The following MICAL3 variants were observed in gnomAD, a reference collection of about 807,000 sequenced individuals.
MICAL3 encodes [F-actin]-monooxygenase MICAL3.
Under a neutral mutation model 207.4 loss-of-function variants are expected in MICAL3, and 62 were observed. That is an observed-to-expected ratio of 0.30 (90% CI 0.24 to 0.37). The LOEUF is 0.37. Among genes scored for constraint, MICAL3 ranks in the 10% least tolerant of loss-of-function variants. The pLI is 1.00. For missense variants in MICAL3, 2,368 were observed against 2,635.6 expected (o/e 0.90, Z 2.22); for synonymous variants, 1,077 against 1,069.3 (o/e 1.01, Z -0.14).
chr22:17,808,991 G>C, intron 28 of MICAL3, 54 bp from the exon 29 acceptor site: 1 of 1,422,354 alleles, frequency 7.0e-7, no homozygotes. Flanking sequence ...GCTTCAGGAG[G>C]ACACACAACT....
chr22:17,899,887 C>G (rs1931178636), intron 6 of MICAL3, among the ~76,000 whole-genome samples: 1 of 151,980 alleles, frequency 6.6e-6, no homozygotes, highest in African/African-American at 2.4e-5. Context: ...CCTCTTGGGA[C>G]AGTCATCAAG....
At chr22:17,860,796 G>T (rs762144167) in intron 19 of MICAL3, 42 of 985,260 alleles carry the variant, frequency 4.3e-5, no homozygotes, top group Non-Finnish European at 5.1e-5. Flanking sequence ...CTCCTTACAG[G>T]CGTGCTGCCC....
chr22:17,826,923 T>A (rs932650463), intron 22 of MICAL3, among the ~76,000 whole-genome samples: 2 of 152,160 alleles, frequency 1.3e-5, no homozygotes, highest in African/African-American at 2.4e-5. Flanking sequence ...TTTTGTATGC[T>A]CAGAGCCTGG....
chr22:17,901,086 C>T, intron 5 of MICAL3, 89 bp from the exon 6 acceptor site: 1 of 1,241,216 alleles, frequency 8.1e-7, no homozygotes, highest in Non-Finnish European at 1.2e-6. Flanking sequence ...ATAAAGACAA[C>T]AGGGAAAGTC....
chr22:17,831,064 T>C (rs1005312698), intron 21 of MICAL3, among the ~76,000 whole-genome samples: 5 of 152,266 alleles, frequency 3.3e-5, no homozygotes, highest in African/African-American at 1.2e-4. Context: ...ACTCAACCGA[T>C]CCTCTGACCG....
At chr22:17,808,385 C>T (rs918117845) in intron 29 of MICAL3, among the ~76,000 whole-genome samples, 3 of 152,224 alleles carry the variant, frequency 2.0e-5, no homozygotes, top group Non-Finnish European at 2.9e-5. Flanking sequence ...ACATGCTCCC[C>T]GACCAGCGGT....
intron 22 of MICAL3, 47 bp downstream of exon 22, chr22:17,827,596 GC>G (rs1922339039): frequency 1.3e-6 from 2 of 1,509,016 alleles, no homozygotes. Context: ...GAGGCAGCAG[GC>G]GGGTGGTGCT....
At chr22:17,860,816 T>TGG in intron 19 of MICAL3, 8 of 985,478 alleles carry the variant, frequency 8.1e-6, no homozygotes, top group Non-Finnish European at 9.6e-6. Context: ...CGTACGCTGC[T>TGG]GTGCATCCCC....
chr22:17,796,166 C>A lies in MICAL3; in HGVS notation c.5651-4865G>T, dbSNP rs2061874676. ...AGTGAGCGGGTCCTGGTCAGAGGAC[C>A]CCTCCTCCCTGGAGCACTCTGCTGC... On this transcript the variant is annotated intron_variant, in intron 29 of 31. Transcript: ENST00000441493. The surrounding 1 kb of genome is among the most constrained non-coding windows in gnomAD (Gnocchi z 4.4). Among the ~76,000 whole-genome samples the A allele has an allele frequency of 6.6e-6, 1 of 152,202 alleles. No homozygotes were observed. The highest frequency in any genetic ancestry group is 2.1e-4 in the South Asian group (1 of 4,832).
At chr22:18,023,202 A>G (rs1924594683) in intron 1 of MICAL3, among the ~76,000 whole-genome samples, 1 of 151,682 alleles carries the variant, frequency 6.6e-6, no homozygotes, top group South Asian at 2.1e-4. Flanking sequence ...AAAAAAATCC[A>G]GTATGCACTC....
intron 19 of MICAL3, 63 bp downstream of exon 19, chr22:17,864,836 T>C: frequency 6.2e-7 from 1 of 1,613,922 alleles, no homozygotes; most frequent in South Asian, 1.1e-5. Context: ...CTCATGCCCT[T>C]GGCCTTGTCA....
In MICAL3 at chr22:17,906,565, G is replaced by T. The variant is rs781098933; in HGVS notation, c.248C>A (p.Ala83Glu). 6.2e-7 allele frequency: 1 copy of T among 1,611,842 alleles called. No individual in the cohort carries two copies. The highest frequency in any genetic ancestry group is 2.2e-5 in the East Asian group (1 of 44,832). The change falls in exon 2 of 32, where the codon GCG (alanine) becomes GAG (glutamate). Residue 83 changes from alanine to glutamate, a missense_variant. Physicochemically the swap from Ala to Glu is moderately radical, Grantham distance 107. Coordinates refer to ENST00000441493, the MANE Select transcript of MICAL3 (RefSeq NM_015241.3). ...GSHKDYKKGK[A>E]CTNTKCLIIG... ...AAAGCTTACCTTGGTGTTAGTGCAC[G>T]CTTTTCCCTTTTTGTAGTCTTTGTG...
intron 16 of MICAL3, chr22:17,876,926 T>G (rs1178131724): frequency 8.1e-4 from 77 of 94,644 alleles, no homozygotes; most frequent in Non-Finnish European, 1.2e-3. Context: ...TTATGGAGGT[T>G]AGGGAGGTTA....
intron 1 of MICAL3, among the ~76,000 whole-genome samples, chr22:17,969,625 G>C (rs950698320): frequency 6.6e-6 from 1 of 152,188 alleles, no homozygotes; most frequent in Non-Finnish European, 1.5e-5. Context: ...TGATCTGTGA[G>C]GAGGTGAGGC....
intron 10 of MICAL3, among the ~76,000 whole-genome samples, chr22:17,894,164 T>C (rs1006884307): frequency 3.3e-5 from 5 of 151,974 alleles, no homozygotes; most frequent in South Asian, 2.1e-4. Flanking sequence ...ATAATCCCTA[T>C]AGTTGGGGAG....
chr22:17,823,360 T>C (rs1045052047), intron 22 of MICAL3, among the ~76,000 whole-genome samples: 2 of 152,120 alleles, frequency 1.3e-5, no homozygotes, highest in Non-Finnish European at 2.9e-5. Flanking sequence ...GGAACCTCAG[T>C]TGGAGGAGGG....
chr22:17,977,049 C>A (rs1935691072), intron 1 of MICAL3, among the ~76,000 whole-genome samples: 1 of 151,988 alleles, frequency 6.6e-6, no homozygotes, highest in South Asian at 2.1e-4. Context: ...GTGATCCGCC[C>A]ACCTCCGCCT....
In MICAL3 at chr22:17,918,632, GC is replaced by G. The variant is rs1176572582; in HGVS notation, c.-74-11747del. The stretch of plus-strand genomic sequence containing the variant: ...AAAAACAGTTCTGACCTCATGGAGC[GC>G]CCCCCAGACCTGCACCCATACACAC... On this transcript the variant is annotated intron_variant, in intron 1 of 31. Coordinates refer to ENST00000441493, the MANE Select transcript of MICAL3 (RefSeq NM_015241.3). 2.6e-5 allele frequency among the ~76,000 whole-genome samples: 4 copies of G among 151,704 alleles called. No individual in the cohort carries two copies. In the East Asian group the frequency reaches 7.7e-4, roughly 29 times the overall value.
chr22:17,960,140 G>A (rs1934833647), intron 1 of MICAL3, among the ~76,000 whole-genome samples: 1 of 152,176 alleles, frequency 6.6e-6, no homozygotes, highest in African/African-American at 2.4e-5. Context: ...GAGCGCGGCT[G>A]TGGCTCCCTG....
Sources: allele counts gnomAD v4.1 joint callset (sites outside exome capture counted in the v4.1 genomes callset), GRCh38; gene constraint gnomAD v4.1.1; non-coding constraint Gnocchi (gnomAD v3.1); transcripts MANE v1.5; gene names NCBI Gene and HGNC (gene_info 2026-07-23, HGNC 2026-07-21).